The following LARS2 variants were observed in gnomAD, a reference collection of about 807,000 sequenced individuals.
The protein encoded by LARS2 is leucyl-tRNA synthetase 2, mitochondrial, also known as leucine--tRNA ligase, mitochondrial.
LARS2 carries 81 observed loss-of-function variants against 116.6 expected under a neutral mutation model. The observed-to-expected ratio is 0.69, with a 90% CI of 0.58 to 0.84. The LOEUF is 0.84. Ranked by LOEUF, LARS2 falls within the 40% of genes least tolerant of loss-of-function variation. The probability of loss-of-function intolerance (pLI) is 0.00; values close to 1 mark genes in which losing one functional copy is unlikely to be tolerated. For synonymous variants in LARS2, 396 were observed against 407.2 expected (o/e 0.97, Z 0.33); for missense variants, 968 against 1,114.5 (o/e 0.87, Z 1.87).
chr3:45,427,748 C>G (rs180877433), intron 6 of LARS2, among the ~76,000 whole-genome samples: 1 of 152,192 alleles, frequency 6.6e-6, no homozygotes, highest in Admixed American at 6.5e-5. Context: ...CCTCCAGTCA[C>G]AACTCTGTCT....
chr3:45,430,017 T>TTC, intron 6 of LARS2, among the ~76,000 whole-genome samples: 1 of 129,742 alleles, frequency 7.7e-6, no homozygotes, highest in South Asian at 2.8e-4. Context: ...TTTTTTTTTT[T>TTC]TTTTTTTTTT....
chr3:45,524,738 A>T (rs1189678997), intron 20 of LARS2, among the ~76,000 whole-genome samples: 1 of 152,234 alleles, frequency 6.6e-6, no homozygotes, highest in Non-Finnish European at 1.5e-5. Flanking sequence ...GAAATAGGTC[A>T]TCTGAAATGC....
intron 3 of LARS2, among the ~76,000 whole-genome samples, chr3:45,399,006 A>G (rs1698097609): frequency 6.6e-6 from 1 of 152,180 alleles, no homozygotes; most frequent in South Asian, 2.1e-4. Context: ...CAGTGATCCA[A>G]TAAGGACTCA....
In LARS2 at chr3:45,548,366, C is replaced by T. The variant is rs535030051; in HGVS notation, c.*836C>T. On this transcript the variant is annotated 3_prime_UTR_variant, in exon 22 of 22. Transcript: ENST00000645846. ...CCAGGCTCAGGCTGCTGGTCCCAAC[C>T]TCAGAGCCCCACCGCAGCCCAGTAG... 1 of 152,470 alleles carries T rather than the reference C, an allele frequency of 6.6e-6. No homozygotes were observed. The highest frequency in any genetic ancestry group is 1.9e-4 in the East Asian group (1 of 5,196). 9.4% of individuals were successfully genotyped at this position (152,470 alleles called of 1,614,324 possible). A position where few individuals can be genotyped will look rare whatever the true frequency, so the allele number is the denominator to read the frequency against.
At position 45,458,851 on chromosome 3, in the gene LARS2, A is replaced by G; in HGVS notation, c.715A>G (p.Arg239Gly). The G allele has an allele frequency of 6.2e-7, 1 of 1,614,108 alleles. No individual in the cohort carries two copies. The highest frequency in any genetic ancestry group is 8.5e-7 in the Non-Finnish European group (1 of 1,179,954). The change falls in exon 8 of 22, where the codon AGA becomes GGA. Residue 239 changes from arginine to glycine, a missense_variant. Arg to Gly is a moderately radical substitution (Grantham distance 125). Coordinates refer to ENST00000645846, the MANE Select transcript of LARS2 (RefSeq NM_015340.4). Reference sequence around the variant, plus strand: ...AGCAAAGGTGGAACAGAAGTACCTCAGACAATGGTTTATTAAGACAACCGC... The same window carrying G: ...AGCAAAGGTGGAACAGAAGTACCTCGGACAATGGTTTATTAAGACAACCGC... ...SGAKVEQKYL[R>G]QWFIKTTAYA...
At chr3:45,515,119 C>T (rs141381030) in intron 16 of LARS2, among the ~76,000 whole-genome samples, 1 of 152,136 alleles carries the variant, frequency 6.6e-6, no homozygotes, top group Non-Finnish European at 1.5e-5. Context: ...CCACCCAAAC[C>T]CAGTTGCAGA....
In LARS2 at chr3:45,547,798, A is replaced by G; in HGVS notation, c.*268A>G. On this transcript the variant is annotated 3_prime_UTR_variant, in exon 22 of 22. Coordinates refer to ENST00000645846, the MANE Select transcript of LARS2 (RefSeq NM_015340.4). ...CTCACCCCCCACCCACACTGCAGGT[A>G]GAGGAGGCCATCTGATCCCATGGGA... The G allele has an allele frequency of 5.6e-6, 2 of 356,004 alleles. No individual in the cohort carries two copies. The highest frequency in any genetic ancestry group is 5.1e-6 in the Non-Finnish European group (1 of 197,082). 22.1% of individuals were successfully genotyped at this position (356,004 alleles called of 1,614,324 possible). A position where few individuals can be genotyped will look rare whatever the true frequency, so the allele number is the denominator to read the frequency against.
At chr3:45,431,733 A>C (rs1698718489) in intron 6 of LARS2, among the ~76,000 whole-genome samples, 1 of 152,182 alleles carries the variant, frequency 6.6e-6, no homozygotes, top group Admixed American at 6.5e-5. Context: ...TAAATACAAA[A>C]GACAGTAATG....
At chr3:45,524,360 T>A (rs1700503694) in intron 20 of LARS2, among the ~76,000 whole-genome samples, 2 of 152,194 alleles carry the variant, frequency 1.3e-5, no homozygotes, top group South Asian at 4.1e-4. Flanking sequence ...TGTTACCATC[T>A]TAATCCCTTC....
intron 8 of LARS2, among the ~76,000 whole-genome samples, chr3:45,473,671 A>C (rs1462699147): frequency 6.7e-6 from 1 of 149,354 alleles, no homozygotes; most frequent in African/African-American, 2.5e-5. Context: ...GGCGTGAGCC[A>C]CTGCACCTGG....
Position 45,391,102 on chromosome 3 carries a change from A to G in LARS2, c.-87-481A>G, listed in dbSNP as rs1697939109. ...GGTTTTGATATACAGATTTTTTAGC[A>G]TCAGATTTATTAACATTTTCCTTTG... On this transcript the variant is annotated intron_variant, in intron 1 of 21. Transcript: ENST00000645846. Among the ~76,000 whole-genome samples the G allele has an allele frequency of 2.6e-5, 4 of 152,282 alleles. No homozygotes were observed. The South Asian group carries it at 6.2e-4, about 24-fold the overall frequency.
intron 6 of LARS2, among the ~76,000 whole-genome samples, chr3:45,442,973 T>C (rs1698938739): frequency 6.6e-6 from 1 of 152,138 alleles, no homozygotes; most frequent in Admixed American, 6.5e-5. Flanking sequence ...GGGACTGTCT[T>C]GTTCACTATA....
At chr3:45,539,819 C>T (rs1700764042) in intron 20 of LARS2, among the ~76,000 whole-genome samples, 1 of 151,610 alleles carries the variant, frequency 6.6e-6, no homozygotes, top group Non-Finnish European at 1.5e-5. Flanking sequence ...CATTCTTTGC[C>T]ATGAAATTAA....
intron 21 of LARS2, 37 bp from the exon 22 acceptor site, chr3:45,547,314 G>A: frequency 2.6e-6 from 4 of 1,563,396 alleles, no homozygotes; most frequent in Non-Finnish European, 2.6e-6. Context: ...CTCTGAGGAT[G>A]TTCCTCATTG....
At chr3:45,456,135 T>G (rs1337883477) in intron 7 of LARS2, among the ~76,000 whole-genome samples, 1 of 152,096 alleles carries the variant, frequency 6.6e-6, no homozygotes, top group Non-Finnish European at 1.5e-5. Flanking sequence ...TCGAGATAAC[T>G]GAAAGAGTAA....
At chr3:45,390,905 G>T (rs945135288) in intron 1 of LARS2, among the ~76,000 whole-genome samples, 5 of 151,958 alleles carry the variant, frequency 3.3e-5, no homozygotes, top group Non-Finnish European at 7.4e-5. Context: ...CTCCCAAAAT[G>T]CTGGGATTAC....
chr3:45,432,716 G>C (rs1290857135), intron 6 of LARS2, among the ~76,000 whole-genome samples: 2 of 151,876 alleles, frequency 1.3e-5, no homozygotes, highest in African/African-American at 2.4e-5. Flanking sequence ...ACCACTTATG[G>C]AACTACAAAG....
rs562380311 is a variant in LARS2, at chr3:45,424,471, A to G, written c.516+4742A>G. ...GTAAAGTCAAAATATAGGTCTAACC[A>G]TTGTACATCACGGACTATCAGTAGT... On this transcript the variant is annotated intron_variant, in intron 6 of 21. Transcript: ENST00000645846. 4.6e-5 allele frequency among the ~76,000 whole-genome samples: 7 copies of G among 152,324 alleles called. No homozygotes were observed. In the South Asian group the frequency reaches 1.2e-3, roughly 27 times the overall value.
intron 1 of LARS2, among the ~76,000 whole-genome samples, chr3:45,389,370 T>C (rs1697898755): frequency 6.6e-6 from 1 of 152,174 alleles, no homozygotes. Flanking sequence ...TCTCAAGGCA[T>C]CACTGTGGGC....
Sources: gnomAD v4.1 joint callset for allele counts (sites outside exome capture counted in the v4.1 genomes callset) on GRCh38, gnomAD v4.1.1 for gene constraint, MANE v1.5 for transcripts, NCBI Gene and HGNC (gene_info 2026-07-23, HGNC 2026-07-21) for gene names.